The following RUNX2 variants were observed in gnomAD, a reference collection of about 807,000 sequenced individuals.
RUNX2 encodes RUNX family transcription factor 2.
In RUNX2, 10 loss-of-function variants were observed where a neutral mutation model predicts 51.7. That is an observed-to-expected ratio of 0.19 (90% CI 0.12 to 0.33). The LOEUF is 0.33. Among genes scored for constraint, RUNX2 ranks in the 10% least tolerant of loss-of-function variants. RUNX2 has a pLI of 1.00. For synonymous variants in RUNX2, 276 were observed against 273.6 expected, an observed-to-expected ratio of 1.01 and a Z score of -0.09; for missense variants, 562 against 691.3, an observed-to-expected ratio of 0.81 and a Z score of 2.10.
intron 2 of RUNX2, among the ~76,000 whole-genome samples, chr6:45,411,499 A>T (rs1797950509): frequency 6.6e-6 from 1 of 152,208 alleles, no homozygotes; most frequent in South Asian, 2.1e-4. Context: ...TGCTAGCAAA[A>T]CAAAGTTGAA....
At chr6:45,479,956 A>C (rs1800063615) in intron 5 of RUNX2, among the ~76,000 whole-genome samples, 1 of 152,224 alleles carries the variant, frequency 6.6e-6, no homozygotes, top group Non-Finnish European at 1.5e-5. Context: ...TGGCACCTTT[A>C]GTGACAGAGT....
At chr6:45,370,242 C>G (rs962976545) in intron 2 of RUNX2, among the ~76,000 whole-genome samples, 2 of 152,118 alleles carry the variant, frequency 1.3e-5, no homozygotes, top group African/African-American at 4.8e-5. Context: ...GGTCAGATTT[C>G]TGGAATACAT....
intron 7 of RUNX2, among the ~76,000 whole-genome samples, chr6:45,529,582 G>A (rs1801778905): frequency 6.6e-6 from 1 of 152,002 alleles, no homozygotes; most frequent in East Asian, 1.9e-4. Flanking sequence ...GAAGAACAAA[G>A]AGATTGGTAC....
At chr6:45,520,845 C>T (rs553765254) in intron 7 of RUNX2, among the ~76,000 whole-genome samples, 1 of 152,220 alleles carries the variant, frequency 6.6e-6, no homozygotes, top group Non-Finnish European at 1.5e-5. Context: ...CTTACCCTCC[C>T]GAGTAGCTGG....
intron 5 of RUNX2, among the ~76,000 whole-genome samples, chr6:45,448,411 C>G (rs1799064180): frequency 6.6e-6 from 1 of 152,102 alleles, no homozygotes; most frequent in African/African-American, 2.4e-5. Flanking sequence ...CAAGAGCTGT[C>G]TTTTGTAGGG....
chr6:45,481,636 G>A (rs368005476), intron 5 of RUNX2, among the ~76,000 whole-genome samples: 3 of 152,132 alleles, frequency 2.0e-5, no homozygotes, highest in East Asian at 1.9e-4. Flanking sequence ...GTGATAAAAC[G>A]GAGTCAGAGA....
intron 3 of RUNX2, 152 bp downstream of exon 3, chr6:45,423,109 C>A (rs1798271220): frequency 9.9e-7 from 1 of 1,007,762 alleles, no homozygotes; most frequent in South Asian, 1.6e-5. Context: ...GGCCTCCCTC[C>A]GGATGCCCTG....
At chr6:45,407,092 G>C (rs1030909642) in intron 2 of RUNX2, among the ~76,000 whole-genome samples, 4 of 152,066 alleles carry the variant, frequency 2.6e-5, no homozygotes. Flanking sequence ...TGAATTTGGG[G>C]GTTATAATTC....
intron 2 of RUNX2, among the ~76,000 whole-genome samples, chr6:45,341,882 C>T (rs541867920): frequency 7.2e-5 from 11 of 152,060 alleles, no homozygotes; most frequent in South Asian, 6.2e-4. Flanking sequence ...CATCAGAAGC[C>T]ACTAAAAAGA....
At chr6:45,433,965 G>A (rs1388393097) in intron 4 of RUNX2, among the ~76,000 whole-genome samples, 1 of 152,190 alleles carries the variant, frequency 6.6e-6, no homozygotes, top group Non-Finnish European at 1.5e-5. Context: ...CTTGGTGGAG[G>A]ATCTGAAATG....
At position 45,460,551 on chromosome 6, in the gene RUNX2, C is replaced by T. The variant is rs192635253; in HGVS notation, c.685+22500C>T. Among the ~76,000 whole-genome samples, 345 of 152,200 alleles carry T rather than the reference C, an allele frequency of 2.3e-3. 1 individual carries two copies. The highest frequency in any genetic ancestry group is 6.0e-3 in the South Asian group (29 of 4,806). ...GGGAGCAGGGAAATGGGGCAGTAAC[C>T]GGAAGGGGATATGGCATAATGGAGC... On this transcript the variant is annotated intron_variant, in intron 5 of 8. Coordinates refer to ENST00000647337, the MANE Select transcript of RUNX2 (RefSeq NM_001024630.4).
intron 3 of RUNX2, among the ~76,000 whole-genome samples, chr6:45,424,973 GT>G (rs767258880): frequency 6.6e-6 from 1 of 151,906 alleles, no homozygotes; most frequent in Non-Finnish European, 1.5e-5. Flanking sequence ...AATGTCCATC[GT>G]CCAAGGGCCC....
chr6:45,384,044 C>T (rs1419515162), intron 2 of RUNX2, among the ~76,000 whole-genome samples: 2 of 152,170 alleles, frequency 1.3e-5, no homozygotes, highest in Non-Finnish European at 2.9e-5. Context: ...ATTTCTTTAA[C>T]TCAGTCAGGT....
chr6:45,361,976 G>A (rs1177864289), intron 2 of RUNX2, among the ~76,000 whole-genome samples: 1 of 152,090 alleles, frequency 6.6e-6, no homozygotes, highest in African/African-American at 2.4e-5. Context: ...ACTTGAGGCC[G>A]GGAGGCAGAG....
chr6:45,537,175 A>G (rs1802064350), intron 7 of RUNX2, among the ~76,000 whole-genome samples: 1 of 152,226 alleles, frequency 6.6e-6, no homozygotes, highest in Admixed American at 6.5e-5. Context: ...CACCAGTGGT[A>G]AAGACAATAT....
At chr6:45,444,059 C>T (rs1798919561) in intron 5 of RUNX2, among the ~76,000 whole-genome samples, 2 of 152,174 alleles carry the variant, frequency 1.3e-5, no homozygotes, top group South Asian at 2.1e-4. Context: ...CCATGTTGGC[C>T]GACTGATATC....
At chr6:45,447,600 TCACCC>T (rs1799039858) in intron 5 of RUNX2, among the ~76,000 whole-genome samples, 1 of 152,244 alleles carries the variant, frequency 6.6e-6, no homozygotes, top group African/African-American at 2.4e-5. Flanking sequence ...AACTGCAGTC[TCACCC>T]CCTCTCTTCT....
At chr6:45,532,936 A>C (rs1452796362) in intron 7 of RUNX2, among the ~76,000 whole-genome samples, 1 of 148,944 alleles carries the variant, frequency 6.7e-6, no homozygotes, top group Admixed American at 6.7e-5. Context: ...CACGGTCATC[A>C]AAACAAGTAG....
intron 2 of RUNX2, among the ~76,000 whole-genome samples, chr6:45,346,522 A>G (rs1790894694): frequency 6.6e-6 from 1 of 151,228 alleles, no homozygotes; most frequent in African/African-American, 2.4e-5. Flanking sequence ...TTTTCACATC[A>G]TCTAGCCAAA....
Sources: gnomAD v4.1 joint callset for allele counts (sites outside exome capture counted in the v4.1 genomes callset) on GRCh38, gnomAD v4.1.1 for gene constraint, MANE v1.5 for transcripts, NCBI Gene and HGNC (gene_info 2026-07-23, HGNC 2026-07-21) for gene names.